The following ZDHHC17 variants were observed in gnomAD, a reference collection of about 807,000 sequenced individuals.
The protein encoded by ZDHHC17 is palmitoyltransferase ZDHHC17.
In ZDHHC17, 40 loss-of-function variants were observed where a neutral mutation model predicts 90.3. The ratio of observed to expected loss-of-function variants is 0.44; its 90% CI spans 0.34 to 0.58. The LOEUF is 0.58. ZDHHC17 is among the 20% of genes least tolerant of loss of function. ZDHHC17 has a pLI of 0.01. For missense variants in ZDHHC17, 614 were observed against 780.8 expected (o/e 0.79, Z 2.55); for synonymous variants, 235 against 252.4 (o/e 0.93, Z 0.65).
At chr12:76,833,398 G>T (rs1953327585) in intron 10 of ZDHHC17, among the ~76,000 whole-genome samples, 1 of 152,174 alleles carries the variant, frequency 6.6e-6, no homozygotes, top group Admixed American at 6.5e-5. Flanking sequence ...GCCTGATTCA[G>T]TGTATCTTCA....
Position 76,851,143 on chromosome 12 carries a change from C to A in ZDHHC17, c.*158C>A. The A allele has an allele frequency of 1.3e-6, 1 of 774,490 alleles. No homozygotes were observed. Among genetic ancestry groups the A allele is most frequent in the Non-Finnish European group, 2.0e-6 (1 of 506,808 alleles). The allele number at this position is 774,490 out of a possible 1,614,324, so 48.0% of individuals were successfully genotyped here. On this transcript the variant is annotated 3_prime_UTR_variant, in exon 17 of 17. Coordinates refer to ENST00000426126, the MANE Select transcript of ZDHHC17 (RefSeq NM_015336.4). ...GTCTTTTTTTCAACACTTTTATTAA[C>A]AAAAGTAAACATGGACAGAACACAC...
At position 76,805,452 on chromosome 12, in the gene ZDHHC17, T is replaced by C. The variant is rs1304763010; in HGVS notation, c.320+13T>C. 6.6e-7 allele frequency: 1 copy of C among 1,524,790 alleles called. No homozygotes were observed. Among genetic ancestry groups the C allele is most frequent in the Non-Finnish European group, 8.8e-7 (1 of 1,132,188 alleles). The allele number at this position is 1,524,790 out of a possible 1,614,324, so 94.5% of individuals were successfully genotyped here. ...TAGATTTAGTCAAGTATGTATTTTCTCTATTTTTAATTATTAGAACTTGAC... is the reference window on the plus strand; with the variant it reads ...TAGATTTAGTCAAGTATGTATTTTCCCTATTTTTAATTATTAGAACTTGAC... On this transcript the variant is annotated intron_variant, in intron 3 of 16. Coordinates refer to ENST00000426126, the MANE Select transcript of ZDHHC17 (RefSeq NM_015336.4).
chr12:76,780,688 T>A (rs1348238567), intron 1 of ZDHHC17, among the ~76,000 whole-genome samples: 1 of 152,236 alleles, frequency 6.6e-6, no homozygotes, highest in African/African-American at 2.4e-5. Context: ...ATCCAATGAT[T>A]ACTTGCAGTC....
intron 1 of ZDHHC17, among the ~76,000 whole-genome samples, chr12:76,788,688 A>ATATATTTTTTTTTTTTTTTTT (rs61663401): frequency 1.0e-5 from 1 of 98,648 alleles, no homozygotes; most frequent in African/African-American, 4.0e-5. Flanking sequence ...TGGAATCGCA[A>ATATATTTTTTTTTTTTTTTTT]TTTTTTTTTT....
chr12:76,817,784 A>G (rs1455212924), intron 7 of ZDHHC17, among the ~76,000 whole-genome samples: 1 of 152,076 alleles, frequency 6.6e-6, no homozygotes, highest in East Asian at 1.9e-4. Flanking sequence ...ACAGAAAGTT[A>G]ATGATAAGAG....
chr12:76,796,246 T>C (rs1952818107), intron 1 of ZDHHC17, among the ~76,000 whole-genome samples: 1 of 152,162 alleles, frequency 6.6e-6, no homozygotes, highest in African/African-American at 2.4e-5. Flanking sequence ...TCCAAATCTT[T>C]TATGATTTAT....
intron 7 of ZDHHC17, among the ~76,000 whole-genome samples, chr12:76,817,340 A>C (rs1036721778): frequency 2.6e-5 from 4 of 152,086 alleles, no homozygotes; most frequent in Non-Finnish European, 4.4e-5. Flanking sequence ...TCAGAGTGTT[A>C]CTACTTTTTT....
intron 1 of ZDHHC17, among the ~76,000 whole-genome samples, chr12:76,789,159 A>C (rs909299096): frequency 6.6e-6 from 1 of 152,232 alleles, no homozygotes; most frequent in Non-Finnish European, 1.5e-5. Context: ...ATACTCTTTA[A>C]GAATCCGTCT....
intron 6 of ZDHHC17, among the ~76,000 whole-genome samples, 174 bp from the exon 7 acceptor site, chr12:76,815,683 A>C (rs186887478): frequency 1.2e-3 from 178 of 152,052 alleles, no homozygotes; most frequent in African/African-American, 4.0e-3. Flanking sequence ...ATACATACTT[A>C]ATACTTCATA....
At chr12:76,833,192 T>A (rs1953325558) in intron 10 of ZDHHC17, among the ~76,000 whole-genome samples, 1 of 152,232 alleles carries the variant, frequency 6.6e-6, no homozygotes, top group Non-Finnish European at 1.5e-5. Context: ...TTGGTGCTTT[T>A]TGGTTTATAG....
At chr12:76,832,442 C>G (rs1953315197) in intron 10 of ZDHHC17, among the ~76,000 whole-genome samples, 1 of 152,206 alleles carries the variant, frequency 6.6e-6, no homozygotes, top group Non-Finnish European at 1.5e-5. Flanking sequence ...TTGCTGCAAG[C>G]ACTGAATTAG....
Position 76,809,076 on chromosome 12 carries a change from A to G in ZDHHC17, c.354A>G (p.Gln118=), listed in dbSNP as rs779478438. The change falls in exon 4 of 17, where the codon CAA becomes CAG. Residue 118 remains glutamine (Q), a synonymous_variant. Coordinates refer to ENST00000426126, the MANE Select transcript of ZDHHC17 (RefSeq NM_015336.4). ...TTTCGAAAGGTGCTATTGTGGATCA[A>G]CTTGGAGGGGACCTGAATTCAACTC... ...YYISKGAIVD[Q]LGGDLNSTPL... 5.5e-5 allele frequency: 87 copies of G among 1,568,458 alleles called. No individual in the cohort carries two copies. Among genetic ancestry groups the G allele is most frequent in the Non-Finnish European group, 7.0e-5 (81 of 1,158,504 alleles).
At chr12:76,787,616 C>CT (rs1952703848) in intron 1 of ZDHHC17, among the ~76,000 whole-genome samples, 1 of 103,448 alleles carries the variant, frequency 9.7e-6, no homozygotes, top group Admixed American at 9.4e-5. Flanking sequence ...CTCTGTCTCT[C>CT]CCTCTCTCTC....
chr12:76,847,762 G>A (rs1261601650), intron 14 of ZDHHC17, among the ~76,000 whole-genome samples: 1 of 152,160 alleles, frequency 6.6e-6, no homozygotes, highest in South Asian at 2.1e-4. Context: ...GGTGGCTGAG[G>A]TGGGAGGATT....
At chr12:76,778,509 C>T (rs1367418630) in intron 1 of ZDHHC17, among the ~76,000 whole-genome samples, 1 of 152,194 alleles carries the variant, frequency 6.6e-6, no homozygotes, top group Non-Finnish European at 1.5e-5. Context: ...AGGCATGAGC[C>T]ACTGTGCCCT....
At chr12:76,794,061 T>C (rs928196893) in intron 1 of ZDHHC17, among the ~76,000 whole-genome samples, 14 of 151,854 alleles carry the variant, frequency 9.2e-5, no homozygotes, top group Non-Finnish European at 1.5e-5. Context: ...AAATTTTGTA[T>C]TTTTTAGTAG....
rs370846234 is a variant in ZDHHC17, at chr12:76,848,186, C to T, written c.1508-47C>T. On this transcript the variant is annotated intron_variant, in intron 14 of 16. Coordinates refer to ENST00000426126, the MANE Select transcript of ZDHHC17 (RefSeq NM_015336.4). ...CCAGCACAAATGCCTATATGAGGTG[C>T]TTGGATGATTATTGAGTAAATACGA... 6.2e-6 allele frequency: 10 copies of T among 1,602,398 alleles called. No homozygotes were observed. In the African/African-American group the frequency reaches 1.1e-4, roughly 17 times the overall value.
chr12:76,797,755 C>T (rs994292389), intron 2 of ZDHHC17, among the ~76,000 whole-genome samples: 6 of 152,012 alleles, frequency 3.9e-5, no homozygotes, highest in East Asian at 1.9e-4. Context: ...CCAGCCTGGC[C>T]GACATGGTGA....
chr12:76,809,267 A>G (rs1350403387), intron 4 of ZDHHC17, 147 bp downstream of exon 4: 1 of 525,642 alleles, frequency 1.9e-6, no homozygotes, highest in Admixed American at 4.3e-5. Flanking sequence ...TTTATTGTGA[A>G]ATATTACCTG....
Sources: gnomAD v4.1 joint callset for allele counts (sites outside exome capture counted in the v4.1 genomes callset) on GRCh38, gnomAD v4.1.1 for gene constraint, MANE v1.5 for transcripts, NCBI Gene and HGNC (gene_info 2026-07-23, HGNC 2026-07-21) for gene names.